PRR5: variants seen among roughly 807,000 people sequenced by gnomAD.
PRR5 encodes the protein proline rich 5, also known as proline-rich protein 5.
Under a neutral mutation model 30.6 loss-of-function variants are expected in PRR5, and 25 were observed. That is an observed-to-expected ratio of 0.82 (90% CI 0.60 to 1.14). PRR5 has a LOEUF of 1.14. Among genes scored for constraint, PRR5 ranks in the 50% most tolerant of loss-of-function variants. The pLI, the probability that PRR5 is intolerant of heterozygous loss-of-function variation, is 0.00. For missense variants in PRR5, 600 were observed against 547.1 expected, an observed-to-expected ratio of 1.10 and a Z score of -0.96; for synonymous variants, 286 against 247.1, an observed-to-expected ratio of 1.16 and a Z score of -1.48.
chr22:44,735,498 T>A (rs1334455440), intron 7 of PRR5, among the ~76,000 whole-genome samples: 1 of 152,178 alleles, frequency 6.6e-6, no homozygotes, highest in East Asian at 1.9e-4. Flanking sequence ...TGAGGACTCC[T>A]GGCTCAGTTA....
intron 2 of PRR5, 142 bp from the exon 3 acceptor site, chr22:44,725,102 G>T (rs1053047975): frequency 7.4e-6 from 9 of 1,209,832 alleles, no homozygotes; most frequent in Non-Finnish European, 1.0e-5. Flanking sequence ...TGGACAGGTG[G>T]GACCTGTCCA....
intron 2 of PRR5, among the ~76,000 whole-genome samples, chr22:44,720,312 G>A (rs761366348): frequency 7.2e-5 from 11 of 152,334 alleles, no homozygotes; most frequent in East Asian, 1.9e-4. Flanking sequence ...CCCTCTCTTC[G>A]TGTTCTGTAG....
chr22:44,692,175 GGCTCCTCCACCCGGGGCTCCTCCTCCCAC>G (rs1310582098), intron 1 of PRR5, among the ~76,000 whole-genome samples: 1 of 151,168 alleles, frequency 6.6e-6, no homozygotes, highest in East Asian at 1.9e-4. Context: ...CTCCTCCCGG[GGCTCCTCCACCCGGGGCTCCTCCTCCCAC>G]GCTCCTCCAC....
At chr22:44,732,057 GAC>G (rs1299005048) in intron 5 of PRR5, among the ~76,000 whole-genome samples, 192 bp from the exon 6 acceptor site, 1 of 152,232 alleles carries the variant, frequency 6.6e-6, no homozygotes, top group Non-Finnish European at 1.5e-5. Flanking sequence ...GGGGCTCTGT[GAC>G]AGTAACCCTT....
chr22:44,731,891 A>AG (rs926608419), intron 5 of PRR5, 70 bp downstream of exon 5: 4 of 1,493,678 alleles, frequency 2.7e-6, no homozygotes, highest in Middle Eastern at 2.1e-4. Flanking sequence ...CACTCTACAG[A>AG]GGGGGGCCGC....
chr22:44,673,922 A>G, upstream of PRR5, among the ~76,000 whole-genome samples: 1 of 152,224 alleles, frequency 6.6e-6, no homozygotes, highest in South Asian at 2.1e-4. Context: ...GTAGCTGCTC[A>G]TAAAGCCTTG....
chr22:44,710,051 T>TGGGGAGGTGGAGG (rs1236316237), intron 1 of PRR5, among the ~76,000 whole-genome samples: 17 of 152,054 alleles, frequency 1.1e-4, no homozygotes, highest in African/African-American at 4.1e-4. Flanking sequence ...GGCCTCATGC[T>TGGGGAGGTGGAGG]GGGGAGGTGG....
chr22:44,717,189 C>CTTTTTTTT (rs57193514), intron 2 of PRR5, among the ~76,000 whole-genome samples: 1 of 116,754 alleles, frequency 8.6e-6, no homozygotes, highest in Non-Finnish European at 1.7e-5. Flanking sequence ...CCCCCTTACC[C>CTTTTTTTT]TTTTTTTTTT....
intron 1 of PRR5, among the ~76,000 whole-genome samples, chr22:44,705,935 G>C (rs1452844884): frequency 1.3e-5 from 2 of 152,096 alleles, no homozygotes; most frequent in African/African-American, 4.8e-5. Flanking sequence ...GGGATTGTAG[G>C]CGCCCACTAC....
chr22:44,669,084 C>CTGA (rs1923268597), intron 1 of PRR5, among the ~76,000 whole-genome samples: 2 of 148,352 alleles, frequency 1.3e-5, no homozygotes, highest in Non-Finnish European at 3.0e-5. Flanking sequence ...CTCCCGAGCT[C>CTGA]GTTCTCTCCC....
intron 4 of PRR5, chr22:44,729,255 T>G (rs572636857): frequency 2.3e-5 from 21 of 910,362 alleles, no homozygotes; most frequent in Non-Finnish European, 2.8e-5. Context: ...GTCACTGCCC[T>G]GCGCTCCTCA....
At chr22:44,728,208 T>C (rs1440834135) in intron 4 of PRR5, among the ~76,000 whole-genome samples, 1 of 152,208 alleles carries the variant, frequency 6.6e-6, no homozygotes, top group East Asian at 1.9e-4. Flanking sequence ...CTTCCTGGCC[T>C]CCCCAGGTCT....
chr22:44,689,171 T>C (rs1046165906), intron 1 of PRR5, among the ~76,000 whole-genome samples: 1 of 152,206 alleles, frequency 6.6e-6, no homozygotes, highest in Non-Finnish European at 1.5e-5. Flanking sequence ...TTGATCTTCA[T>C]GTGATGAAGA....
At chr22:44,680,197 C>G (rs1317343150) in intron 1 of PRR5, among the ~76,000 whole-genome samples, 3 of 152,318 alleles carry the variant, frequency 2.0e-5, no homozygotes, top group Non-Finnish European at 4.4e-5. Flanking sequence ...GGGTTCAAGT[C>G]CCAGCTCCAC....
rs1331299589 is a variant in PRR5 at position 44,691,018 on chromosome 22, A to T, written c.-10-11474A>T. ...GCCTCTGAGCAGCCAGGGCAGAGGC[A>T]TCCTGGGTGCCCAAGTGAACGTGCT... On this transcript the variant is annotated intron_variant, in intron 1 of 8. Transcript: ENST00000006251. This position sits in a 1 kb window ranked among gnomAD's most constrained non-coding sequence, Gnocchi z 4.4. Among the ~76,000 whole-genome samples the T allele has an allele frequency of 6.6e-6, 1 of 152,040 alleles. No individual in the cohort carries two copies. The highest frequency in any genetic ancestry group is 1.9e-4 in the East Asian group (1 of 5,142).
exon 1 of PRR5, chr22:44,677,214 T>G (rs1162918225): frequency 6.6e-6 from 1 of 152,350 alleles, no homozygotes; most frequent in Non-Finnish European, 1.5e-5. Flanking sequence ...GCATCCCACC[T>G]CCTGAGTCCT....
At chr22:44,715,948 C>T (rs547616889) in intron 2 of PRR5, among the ~76,000 whole-genome samples, 1 of 152,342 alleles carries the variant, frequency 6.6e-6, no homozygotes, top group East Asian at 1.9e-4. Context: ...CATGCCCGGC[C>T]AGCTGGGTAT....
chr22:44,703,481 T>C (rs1311041720), intron 1 of PRR5, among the ~76,000 whole-genome samples: 1 of 152,136 alleles, frequency 6.6e-6, no homozygotes, highest in Admixed American at 6.5e-5. Context: ...TTATTTTCAG[T>C]TCATTGAATG....
chr22:44,674,360 G>T (rs181238378), upstream of PRR5, among the ~76,000 whole-genome samples: 6,274 of 152,014 alleles, frequency 0.041, 266 homozygotes, highest in African/African-American at 0.11. Context: ...TTGCAGCCAG[G>T]CACGGTGGCT....
Sources: allele counts gnomAD v4.1 joint callset (sites outside exome capture counted in the v4.1 genomes callset), GRCh38; gene constraint gnomAD v4.1.1; non-coding constraint Gnocchi (gnomAD v3.1); transcripts MANE v1.5; gene names NCBI Gene and HGNC (gene_info 2026-07-23, HGNC 2026-07-21).